The following AKAP19 variants were observed in gnomAD, a reference collection of about 807,000 sequenced individuals.
The protein encoded by AKAP19 is small A-kinase anchoring protein.
chr2:189,991,971 T>A, the AKAP19 span, among the ~76,000 whole-genome samples: 28 of 152,280 alleles, frequency 1.8e-4, no homozygotes, highest in Admixed American at 9.8e-4. Context: ...GCCCAGTTTA[T>A]ATTTTTATTT....
At chr2:189,959,850 T>C in the AKAP19 span, among the ~76,000 whole-genome samples, 1 of 152,204 alleles carries the variant, frequency 6.6e-6, no homozygotes, top group Non-Finnish European at 1.5e-5. Context: ...GTAGGTAATG[T>C]TATATTCATT....
chr2:190,116,251 T>C, the AKAP19 span, among the ~76,000 whole-genome samples: 2 of 152,204 alleles, frequency 1.3e-5, no homozygotes, highest in African/African-American at 4.8e-5. Context: ...TATGGGCTCA[T>C]GGTTCTGGAG....
the AKAP19 span, among the ~76,000 whole-genome samples, chr2:189,999,901 C>A: frequency 6.6e-6 from 1 of 152,198 alleles, no homozygotes; most frequent in Non-Finnish European, 1.5e-5. Context: ...ATGAAAGCCT[C>A]TGAACTAGTC....
At chr2:189,979,047 CAA>C in the AKAP19 span, among the ~76,000 whole-genome samples, 2 of 151,722 alleles carry the variant, frequency 1.3e-5, no homozygotes, top group Non-Finnish European at 2.9e-5. Flanking sequence ...ATAAAATTAC[CAA>C]AGTCATTTTT....
chr2:189,958,984 A>C, the AKAP19 span, among the ~76,000 whole-genome samples: 1 of 152,054 alleles, frequency 6.6e-6, no homozygotes, highest in Non-Finnish European at 1.5e-5. Flanking sequence ...AAATACACAA[A>C]AGTGAGGAAA....
the AKAP19 span, among the ~76,000 whole-genome samples, chr2:190,096,252 C>T: frequency 2.6e-5 from 4 of 152,144 alleles, no homozygotes; most frequent in Admixed American, 1.3e-4. Context: ...ACAAGAGAAA[C>T]ATACAGGAAA....
chr2:189,958,089 A>G, the AKAP19 span, among the ~76,000 whole-genome samples: 1 of 152,124 alleles, frequency 6.6e-6, no homozygotes, highest in Admixed American at 6.5e-5. Flanking sequence ...CCATTGCGCC[A>G]AGATATTTGC....
At chr2:190,085,520 A>G in the AKAP19 span, among the ~76,000 whole-genome samples, 1 of 152,228 alleles carries the variant, frequency 6.6e-6, no homozygotes, top group Non-Finnish European at 1.5e-5. Context: ...CAGCTGAAAG[A>G]ATCCCATTTC....
chr2:189,951,592 A>G, the AKAP19 span, among the ~76,000 whole-genome samples: 1 of 152,180 alleles, frequency 6.6e-6, no homozygotes, highest in East Asian at 1.9e-4. Context: ...CCAAATCTAA[A>G]GCTTTCAAAT....
the AKAP19 span, among the ~76,000 whole-genome samples, chr2:190,175,965 G>A: frequency 1.3e-5 from 2 of 152,220 alleles, no homozygotes; most frequent in South Asian, 2.1e-4. Context: ...ATTTAGCTAG[G>A]GTTCCCCACC....
chr2:190,009,803 A>C, the AKAP19 span, among the ~76,000 whole-genome samples: 12 of 152,176 alleles, frequency 7.9e-5, no homozygotes, highest in Non-Finnish European at 1.8e-4. Context: ...ACCAACTCTT[A>C]GGATACACCA....
the AKAP19 span, among the ~76,000 whole-genome samples, chr2:190,031,038 T>C: frequency 6.6e-6 from 1 of 152,196 alleles, no homozygotes; most frequent in Non-Finnish European, 1.5e-5. Context: ...TGGCTACCCT[T>C]TCCCCCACGA....
chr2:189,937,046 T>C, the AKAP19 span, among the ~76,000 whole-genome samples: 2 of 151,826 alleles, frequency 1.3e-5, no homozygotes, highest in African/African-American at 4.8e-5. Context: ...GAGGCAGGGG[T>C]ATGGTGTGAG....
At chr2:190,101,926 C>A in the AKAP19 span, among the ~76,000 whole-genome samples, 2 of 152,114 alleles carry the variant, frequency 1.3e-5, no homozygotes, top group Non-Finnish European at 2.9e-5. Context: ...GAAACATTCT[C>A]CAAGGTTGAC....
the AKAP19 span, among the ~76,000 whole-genome samples, chr2:190,148,459 G>A: frequency 6.6e-6 from 1 of 152,138 alleles, no homozygotes; most frequent in Admixed American, 6.6e-5. Flanking sequence ...ATATCAGTCT[G>A]TAGTTTTCTT....
At chr2:190,163,351 A>G in the AKAP19 span, among the ~76,000 whole-genome samples, 44 of 151,876 alleles carry the variant, frequency 2.9e-4, no homozygotes, top group East Asian at 1.7e-3. Context: ...GGAGAATGGC[A>G]TGAACCTGGG....
the AKAP19 span, among the ~76,000 whole-genome samples, chr2:190,195,507 A>G: frequency 5.3e-5 from 8 of 152,228 alleles, no homozygotes; most frequent in Non-Finnish European, 1.0e-4. Flanking sequence ...CCTGAATGAC[A>G]TGATGTTGAA....
chr2:190,023,410 A>G, the AKAP19 span, among the ~76,000 whole-genome samples: 1 of 152,072 alleles, frequency 6.6e-6, no homozygotes, highest in Non-Finnish European at 1.5e-5. Context: ...CTTTTACACT[A>G]AAATAAATAA....
the AKAP19 span, among the ~76,000 whole-genome samples, chr2:190,088,475 G>A: frequency 9.2e-5 from 14 of 152,230 alleles, no homozygotes; most frequent in South Asian, 2.1e-4. Context: ...GGAAAAGGAC[G>A]TAAAAAGAAT....
Sources: gnomAD v4.1 joint callset for allele counts (sites outside exome capture counted in the v4.1 genomes callset) on GRCh38, gnomAD v4.1.1 for gene constraint, MANE v1.5 for transcripts, NCBI Gene and HGNC (gene_info 2026-07-23, HGNC 2026-07-21) for gene names.